The following CRAMP1 variants were observed in gnomAD, a reference collection of about 807,000 sequenced individuals.
CRAMP1 encodes the protein protein cramped-like.
Under a neutral mutation model 115.4 loss-of-function variants are expected in CRAMP1, and 50 were observed. That is an observed-to-expected ratio of 0.43 (90% CI 0.35 to 0.55). The LOEUF (loss-of-function observed/expected upper bound fraction) is 0.55, where lower values mean the gene tolerates loss of function less well. Ranked by LOEUF, CRAMP1 falls within the 20% of genes least tolerant of loss-of-function variation. The pLI is 0.01. For synonymous variants in CRAMP1, 866 were observed against 745.4 expected, an observed-to-expected ratio of 1.16 and a Z score of -2.64; for missense variants, 1,679 against 1,721.7, an observed-to-expected ratio of 0.98 and a Z score of 0.44.
In CRAMP1 at chr16:1,652,477, T is replaced by C. The variant is rs2036732633; in HGVS notation, c.828-19T>C. On this transcript the variant is annotated intron_variant, in intron 6 of 20. Coordinates refer to ENST00000397412, the MANE Select transcript of CRAMP1 (RefSeq NM_020825.4). ...GTTCACTCACAGGCCTCAGCGTTCC[T>C]TCAAAACTCTTTTCCCAGGGCCACC... The C allele has an allele frequency of 6.5e-7, 1 of 1,550,058 alleles. No individual in the cohort carries two copies. The highest frequency in any genetic ancestry group is 1.4e-5 in the African/African-American group (1 of 73,008).
intron 2 of CRAMP1, among the ~76,000 whole-genome samples, chr16:1,623,641 G>A (rs1197990440): frequency 6.6e-6 from 1 of 152,254 alleles, no homozygotes; most frequent in Non-Finnish European, 1.5e-5. Context: ...AAATGGCTCT[G>A]AAAGCCTTTG....
chr16:1,617,649 A>T (rs2036432216), intron 2 of CRAMP1, among the ~76,000 whole-genome samples: 1 of 152,202 alleles, frequency 6.6e-6, no homozygotes, highest in African/African-American at 2.4e-5. Context: ...GGCCAGTTTC[A>T]ATCTCAGTGG....
At chr16:1,632,762 A>G (rs1333295467) in intron 4 of CRAMP1, among the ~76,000 whole-genome samples, 1 of 151,994 alleles carries the variant, frequency 6.6e-6, no homozygotes, top group Non-Finnish European at 1.5e-5. Context: ...TTCCTGGGGG[A>G]CGGCCAGCCT....
chr16:1,658,961 G>A (rs1310872392), intron 10 of CRAMP1, among the ~76,000 whole-genome samples: 5 of 152,050 alleles, frequency 3.3e-5, no homozygotes, highest in East Asian at 1.9e-4. Flanking sequence ...CGGTGGTGGC[G>A]TTTCTGTGGT....
chr16:1,665,902 G>A (rs2142206456), intron 14 of CRAMP1, 171 bp from the exon 15 acceptor site: 1 of 600,788 alleles, frequency 1.7e-6, no homozygotes, highest in Non-Finnish European at 3.0e-6. Context: ...TTGGGGGCCT[G>A]TGTGACCTCT....
chr16:1,672,717 GC>G lies in CRAMP1; in HGVS notation c.3646-1160del. Among the ~76,000 whole-genome samples the G allele has an allele frequency of 6.6e-6, 1 of 152,248 alleles. No individual in the cohort carries two copies. Among genetic ancestry groups the G allele is most frequent in the East Asian group, 1.9e-4 (1 of 5,178 alleles). ...CAGGGTCTGCTGTGTGCAAACAATG[GC>G]CCCTGTCCTCATGAGGCTTCTACTC... is the stretch of plus-strand genomic sequence containing the variant. On this transcript the variant is annotated intron_variant, in intron 20 of 20. Transcript: ENST00000397412. The surrounding 1 kb of genome is among the most constrained non-coding windows in gnomAD (Gnocchi z 4.9).
At chr16:1,626,621 A>G (rs886369862) in intron 3 of CRAMP1, among the ~76,000 whole-genome samples, 2 of 151,806 alleles carry the variant, frequency 1.3e-5, no homozygotes, top group African/African-American at 2.4e-5. Context: ...GACAAAATGG[A>G]AAGTCCTAAA....
intron 5 of CRAMP1, among the ~76,000 whole-genome samples, chr16:1,639,919 A>C (rs78648478): frequency 0.029 from 4,416 of 152,258 alleles, 211 homozygotes; most frequent in African/African-American, 0.1. Flanking sequence ...GAGGATGCTC[A>C]AGTTTGATGA....
At chr16:1,648,067 A>G (rs934960472) in intron 6 of CRAMP1, among the ~76,000 whole-genome samples, 2 of 152,124 alleles carry the variant, frequency 1.3e-5, no homozygotes, top group Non-Finnish European at 2.9e-5. Flanking sequence ...GAGGACTGTA[A>G]CCTCAGAATG....
rs1289184678 is a variant in CRAMP1 at position 1,674,424 on chromosome 16, CT to C, written c.*380del. 14 of 235,950 alleles carry C rather than the reference CT, an allele frequency of 5.9e-5. No homozygotes were observed. Among genetic ancestry groups the C allele is most frequent in the African/African-American group, 2.9e-4 (13 of 44,084 alleles). The allele number at this position is 235,950 out of a possible 1,614,324, so 14.6% of individuals were successfully genotyped here. A position where few individuals can be genotyped will look rare whatever the true frequency, so the allele number is the denominator to read the frequency against. ...TGTGCCTTGGTGTAGTTGCTGTGCA[CT>C]AGGAGCTGTGATCTCCCTCTCTGCA... On this transcript the variant is annotated 3_prime_UTR_variant, in exon 21 of 21. Transcript: ENST00000397412.
chr16:1,650,188 G>A (rs187259759), intron 6 of CRAMP1, among the ~76,000 whole-genome samples: 14 of 152,296 alleles, frequency 9.2e-5, no homozygotes, highest in African/African-American at 2.9e-4. Context: ...TGAAATTAGA[G>A]CTAGGACCCT....
intron 6 of CRAMP1, among the ~76,000 whole-genome samples, chr16:1,643,668 G>A (rs550906768): frequency 3.3e-5 from 5 of 152,204 alleles, no homozygotes; most frequent in African/African-American, 1.2e-4. Context: ...TCATCCTCCC[G>A]GGCAGCAGGT....
intron 2 of CRAMP1, 68 bp downstream of exon 2, chr16:1,615,053 C>A: frequency 1.0e-6 from 1 of 989,864 alleles, no homozygotes; most frequent in Non-Finnish European, 1.3e-6. Context: ...GAGAGGAACC[C>A]CTCGCCCCAG....
rs2036961076 is a variant in CRAMP1 at position 1,675,595 on chromosome 16, G to T, written c.*1550G>T. On this transcript the variant is annotated 3_prime_UTR_variant, in exon 21 of 21. Coordinates refer to ENST00000397412, the MANE Select transcript of CRAMP1 (RefSeq NM_020825.4). ...CTTTGGTGTGGACAAGCATGTGGAC[G>T]CCCTCCGTCCTGCAGTCTTGCCAGC... is the stretch of plus-strand genomic sequence containing the variant. 6.6e-6 allele frequency: 1 copy of T among 152,422 alleles called. No individual in the cohort carries two copies. Among genetic ancestry groups the T allele is most frequent in the African/African-American group, 2.4e-5 (1 of 41,454 alleles). 9.4% of individuals were successfully genotyped at this position (152,422 alleles called of 1,614,324 possible). A position where few individuals can be genotyped will look rare whatever the true frequency, so the allele number is the denominator to read the frequency against.
At chr16:1,638,391 CTG>C (rs1312305564) in intron 5 of CRAMP1, among the ~76,000 whole-genome samples, 1 of 152,224 alleles carries the variant, frequency 6.6e-6, no homozygotes, top group Non-Finnish European at 1.5e-5. Flanking sequence ...CTGCATGTGA[CTG>C]TGGAGTCTCC....
chr16:1,667,485 G>A (rs2036885679), intron 17 of CRAMP1, 85 bp downstream of exon 17: 2 of 1,071,080 alleles, frequency 1.9e-6, no homozygotes, highest in South Asian at 2.6e-5. Flanking sequence ...CAGTCTTGGA[G>A]TGGCCCGGCT....
In CRAMP1 at chr16:1,666,466, AACCCCCTCCCTG is replaced by A; in HGVS notation, c.2903_2914del (p.Asn968_Ala972delinsThr). On this transcript the variant is annotated inframe_deletion, in exon 16 of 21. Transcript: ENST00000397412. This position sits in a 1 kb window ranked among gnomAD's most constrained non-coding sequence, Gnocchi z 5.0. ...TACAAGTGCCGGCATCCTTTCCGGG[AACCCCCTCCCTG>A]CCTTGGACACCGAGGGCTTGTCTGG... is the stretch of plus-strand genomic sequence containing the variant. 6.2e-7 allele frequency: 1 copy of A among 1,613,810 alleles called. No individual in the cohort carries two copies. The highest frequency in any genetic ancestry group is 8.5e-7 in the Non-Finnish European group (1 of 1,179,832).
In CRAMP1 at chr16:1,666,904, G is replaced by A. The variant is rs1027754084; in HGVS notation, c.3036+304G>A. Among the ~76,000 whole-genome samples the A allele has an allele frequency of 2.6e-5, 4 of 152,208 alleles. No individual in the cohort carries two copies. The highest frequency in any genetic ancestry group is 7.2e-5 in the African/African-American group (3 of 41,458). On this transcript the variant is annotated intron_variant, in intron 16 of 20. Transcript: ENST00000397412. The surrounding 1 kb of genome is among the most constrained non-coding windows in gnomAD (Gnocchi z 5.0). ...GGTGGCAGCCCACAGCGCTGTGCTC[G>A]GACACCACTGAGCATCTCTTTCATC... is the stretch of plus-strand genomic sequence containing the variant.
chr16:1,666,119 T>C lies in CRAMP1; in HGVS notation c.2799T>C (p.Ala933=), dbSNP rs1791481224. 6.2e-7 allele frequency: 1 copy of C among 1,612,388 alleles called. No individual in the cohort carries two copies. Among genetic ancestry groups the C allele is most frequent in the East Asian group, 2.2e-5 (1 of 44,834 alleles). The change falls in exon 15 of 21, where the codon GCT becomes GCC. Residue 933 remains alanine (A), a synonymous_variant. Coordinates refer to ENST00000397412, the MANE Select transcript of CRAMP1 (RefSeq NM_020825.4). The surrounding 1 kb of genome is among the most constrained non-coding windows in gnomAD (Gnocchi z 5.0). ...TCCAGTCTTCTCTGACCAAAGCAGC[T>C]CTGTCTCGGCCGATCGTGCCCAAGG... ...RPIQSSLTKA[A]LSRPIVPKVL... is the part of the protein sequence containing the mutation.
Sources: gnomAD v4.1 joint callset for allele counts (sites outside exome capture counted in the v4.1 genomes callset) on GRCh38, gnomAD v4.1.1 for gene constraint, Gnocchi (gnomAD v3.1) non-coding constraint, MANE v1.5 for transcripts, NCBI Gene and HGNC (gene_info 2026-07-23, HGNC 2026-07-21) for gene names.